Variants in NBEA observed in about 807,000 individuals in gnomAD.
NBEA encodes neurobeachin.
In NBEA, 44 loss-of-function variants were observed where a neutral mutation model predicts 343.4. The observed-to-expected ratio is 0.13, with a 90% CI of 0.10 to 0.16. NBEA has a LOEUF of 0.16. Among genes scored for constraint, NBEA ranks in the 10% least tolerant of loss-of-function variants. NBEA has a pLI of 1.00. For synonymous variants in NBEA, 1,175 were observed against 1,238.7 expected (o/e 0.95, Z 1.08); for missense variants, 2,555 against 3,631.3 (o/e 0.70, Z 7.62).
At chr13:35,587,914 C>G (rs2081358746) in intron 46 of NBEA, among the ~76,000 whole-genome samples, 1 of 152,016 alleles carries the variant, frequency 6.6e-6, no homozygotes, top group Admixed American at 6.6e-5. Flanking sequence ...ATAATGTAAA[C>G]TACCATGTGA....
intron 55 of NBEA, among the ~76,000 whole-genome samples, chr13:35,656,258 C>T (rs1376139842): frequency 6.6e-6 from 1 of 152,200 alleles, no homozygotes; most frequent in African/African-American, 2.4e-5. Context: ...CTGAATAAGA[C>T]AGTTTCCTTG....
chr13:34,953,760 C>T (rs2059412730), intron 1 of NBEA, among the ~76,000 whole-genome samples: 1 of 152,180 alleles, frequency 6.6e-6, no homozygotes, highest in African/African-American at 2.4e-5. Flanking sequence ...ATTCTCTAAA[C>T]CAGGGGTTCC....
chr13:35,090,061 A>AAATAAATAAAT (rs1555300355), intron 10 of NBEA, among the ~76,000 whole-genome samples: 21 of 145,176 alleles, frequency 1.4e-4, no homozygotes, highest in African/African-American at 4.8e-4. Context: ...AAAGTATAAT[A>AAATAAATAAAT]AAATAAATAA....
chr13:35,634,197 G>A (rs1385396269), intron 49 of NBEA, among the ~76,000 whole-genome samples: 1 of 152,084 alleles, frequency 6.6e-6, no homozygotes, highest in East Asian at 1.9e-4. Context: ...ACAAAAAATA[G>A]CTGGGCGTGG....
chr13:35,382,802 G>T (rs2042077212), intron 38 of NBEA, among the ~76,000 whole-genome samples: 1 of 152,098 alleles, frequency 6.6e-6, no homozygotes, highest in South Asian at 2.1e-4. Context: ...AACTAAAAGT[G>T]GTTAATTTGG....
chr13:35,464,249 C>T (rs773745137), intron 40 of NBEA, among the ~76,000 whole-genome samples: 1 of 152,198 alleles, frequency 6.6e-6, no homozygotes, highest in Non-Finnish European at 1.5e-5. Context: ...CAAAGTCTGA[C>T]ATTCAAGTAT....
rs1221745924 is a variant in NBEA at position 35,098,390 on chromosome 13, C to T, written c.1665C>T (p.Gly555=). The T allele has an allele frequency of 3.2e-6, 5 of 1,582,238 alleles. No individual in the cohort carries two copies. Among genetic ancestry groups the T allele is most frequent in the African/African-American group, 1.3e-5 (1 of 74,496 alleles). Residue 555 remains glycine (G), a synonymous_variant, in exon 11 of 59, where the codon GGC becomes GGT. Coordinates refer to ENST00000379939, the MANE Select transcript of NBEA (RefSeq NM_001385012.1). ...MLGGKGFLVI[G]YLLEKSSRVH... ...GTGGAAAAGGCTTTTTAGTCATTGG[C>T]TACTTACTTGAAAAGGTAAGTGATA...
At chr13:35,551,703 G>A (rs929085556) in intron 43 of NBEA, among the ~76,000 whole-genome samples, 2 of 138,394 alleles carry the variant, frequency 1.4e-5, no homozygotes, top group Non-Finnish European at 3.4e-5. Context: ...GAGTTAAGGT[G>A]CTGCCAGTAT....
At chr13:35,460,520 A>G (rs1449088886) in intron 40 of NBEA, among the ~76,000 whole-genome samples, 2 of 152,206 alleles carry the variant, frequency 1.3e-5, no homozygotes, top group Non-Finnish European at 2.9e-5. Context: ...TAAAAGCTTC[A>G]TCTTGAATAT....
chr13:35,635,136 C>T (rs2083641271), intron 49 of NBEA, among the ~76,000 whole-genome samples: 1 of 152,124 alleles, frequency 6.6e-6, no homozygotes, highest in Non-Finnish European at 1.5e-5. Context: ...ATAATGACAA[C>T]ATTGAGGACC....
intron 47 of NBEA, among the ~76,000 whole-genome samples, chr13:35,597,312 TG>T (rs2081850837): frequency 6.6e-6 from 1 of 152,240 alleles, no homozygotes; most frequent in Non-Finnish European, 1.5e-5. Flanking sequence ...ATGTTCATTT[TG>T]CCATTTCTTT....
intron 33 of NBEA, among the ~76,000 whole-genome samples, chr13:35,231,812 C>G (rs2074990491): frequency 6.6e-6 from 1 of 152,126 alleles, no homozygotes; most frequent in South Asian, 2.1e-4. Context: ...TTATCTAAGA[C>G]AGATAAATCT....
intron 34 of NBEA, among the ~76,000 whole-genome samples, chr13:35,258,087 T>G (rs968617239): frequency 9.9e-5 from 15 of 152,138 alleles, no homozygotes; most frequent in African/African-American, 3.6e-4. Context: ...TCCTAATGTT[T>G]CATGAATTGG....
At chr13:35,597,185 A>G (rs1363832889) in intron 47 of NBEA, among the ~76,000 whole-genome samples, 2 of 152,258 alleles carry the variant, frequency 1.3e-5, no homozygotes, top group Middle Eastern at 3.4e-3. Flanking sequence ...GCATTTGAGG[A>G]TATGTTCTTA....
At chr13:35,341,642 A>G (rs2039591110) in intron 36 of NBEA, among the ~76,000 whole-genome samples, 1 of 152,064 alleles carries the variant, frequency 6.6e-6, no homozygotes, top group Non-Finnish European at 1.5e-5. Context: ...ACATGAAAAG[A>G]TTCTCAGAAA....
chr13:35,069,375 T>G (rs1330412995), intron 8 of NBEA, among the ~76,000 whole-genome samples: 1 of 138,704 alleles, frequency 7.2e-6, no homozygotes, highest in South Asian at 2.3e-4. Flanking sequence ...TTTAATGAAC[T>G]TCTCTTCTGA....
At chr13:35,497,883 T>C (rs746110545) in intron 41 of NBEA, among the ~76,000 whole-genome samples, 2 of 152,070 alleles carry the variant, frequency 1.3e-5, no homozygotes, top group African/African-American at 2.4e-5. Context: ...GGATTATTTA[T>C]ATTAAGAGCT....
chr13:35,125,064 A>G (rs904428916), intron 17 of NBEA, among the ~76,000 whole-genome samples: 4 of 152,162 alleles, frequency 2.6e-5, no homozygotes, highest in African/African-American at 9.7e-5. Flanking sequence ...TACAAAATTA[A>G]AAATAACAAG....
intron 40 of NBEA, among the ~76,000 whole-genome samples, chr13:35,468,065 T>C (rs2075465006): frequency 6.6e-6 from 1 of 151,124 alleles, no homozygotes. Flanking sequence ...CGTTGCCTTT[T>C]AATCACTAGA....
Sources: gnomAD v4.1 joint callset for allele counts (sites outside exome capture counted in the v4.1 genomes callset) on GRCh38, gnomAD v4.1.1 for gene constraint, MANE v1.5 for transcripts, NCBI Gene and HGNC (gene_info 2026-07-23, HGNC 2026-07-21) for gene names.